The following SLC6A13 variants were observed in gnomAD, a reference collection of about 807,000 sequenced individuals.
SLC6A13 encodes solute carrier family 6 member 13.
Under a neutral mutation model 72.9 loss-of-function variants are expected in SLC6A13, and 69 were observed. The observed-to-expected ratio is 0.95, with a 90% confidence interval of 0.78 to 1.16. The LOEUF (loss-of-function observed/expected upper bound fraction) is 1.16. Ranked by LOEUF, SLC6A13 falls within the 50% of genes most tolerant of loss-of-function variation. The pLI is 0.00. For synonymous variants in SLC6A13, 303 were observed against 303.0 expected, an observed-to-expected ratio of 1.00 and a Z score of 0.00; for missense variants, 735 against 760.5, an observed-to-expected ratio of 0.97 and a Z score of 0.39.
In SLC6A13 at chr12:222,648, G is replaced by T. The variant is rs1451698991; in HGVS notation, c.1415-16C>A. 3 of 1,546,084 alleles carry T rather than the reference G, an allele frequency of 1.9e-6. 1 individual carries two copies. Among genetic ancestry groups the T allele is most frequent in the South Asian group, 2.3e-5 (2 of 87,158 alleles). The stretch of plus-strand genomic sequence containing the variant: ...CGCTTGGCTCCTACCATGGAGAAAA[G>T]AAGAAGGAAGGAGGAGAAAGTCATT... On this transcript the variant is annotated splice_polypyrimidine_tract_variant and intron_variant, in intron 12 of 14. Coordinates refer to ENST00000343164, the MANE Select transcript of SLC6A13 (RefSeq NM_016615.5).
intron 2 of SLC6A13, among the ~76,000 whole-genome samples, chr12:248,135 A>G (rs1942418311): frequency 6.6e-6 from 1 of 152,212 alleles, no homozygotes; most frequent in African/African-American, 2.4e-5. Flanking sequence ...AATCGTATTA[A>G]ATGCAAATGG....
At chr12:234,789 A>G (rs918881374) in intron 7 of SLC6A13, among the ~76,000 whole-genome samples, 8 of 152,202 alleles carry the variant, frequency 5.3e-5, no homozygotes, top group Non-Finnish European at 1.2e-4. Context: ...AAGTGCTGGG[A>G]TTACAGGCAT....
At chr12:221,953 A>T (rs1284909347) in intron 13 of SLC6A13, among the ~76,000 whole-genome samples, 3 of 152,166 alleles carry the variant, frequency 2.0e-5, no homozygotes, top group Admixed American at 6.5e-5. Context: ...GGAACAGCTG[A>T]CACAAAGAGA....
At chr12:235,569 C>T (rs1288967232) in intron 6 of SLC6A13, among the ~76,000 whole-genome samples, 1 of 151,964 alleles carries the variant, frequency 6.6e-6, no homozygotes. Context: ...ACCTCAAGAC[C>T]ACCGTGATAA....
intron 7 of SLC6A13, among the ~76,000 whole-genome samples, chr12:228,651 T>C (rs999317707): frequency 5.3e-5 from 8 of 152,178 alleles, no homozygotes; most frequent in African/African-American, 1.7e-4. Flanking sequence ...TTCCTGGTCT[T>C]TGCCTGCCTC....
chr12:239,194 ACG>A (rs1364395552), intron 4 of SLC6A13, among the ~76,000 whole-genome samples: 16 of 99,974 alleles, frequency 1.6e-4, no homozygotes, highest in African/African-American at 5.0e-4. Context: ...GTGCTCTACC[ACG>A]TCCACCCTGT....
At position 234,278 on chromosome 12, in the gene SLC6A13, T is replaced by C. The variant is rs540707616; in HGVS notation, c.831+812A>G. ...GCTCCATGACAGTTTACAAATGCCA[T>C]GGCAACGTCAGGAAGTTAACCTCTA... is the stretch of plus-strand genomic sequence containing the variant. On this transcript the variant is annotated intron_variant, in intron 7 of 14. Transcript: ENST00000343164. 1.5e-4 allele frequency among the ~76,000 whole-genome samples: 23 copies of C among 152,294 alleles called. No homozygotes were observed. In the South Asian group the frequency reaches 2.5e-3, roughly 16 times the overall value.
At chr12:236,982 C>G (rs530130102) in intron 6 of SLC6A13, 176 bp downstream of exon 6, 301 of 658,010 alleles carry the variant, frequency 4.6e-4, no homozygotes, top group Non-Finnish European at 7.0e-4. Context: ...TCCCAAAAAC[C>G]AGAAGTATGT....
intron 8 of SLC6A13, chr12:227,051 G>T (rs753384754): frequency 4.7e-4 from 78 of 166,854 alleles, no homozygotes; most frequent in Non-Finnish European, 8.2e-4. Context: ...GTGAAGTGAG[G>T]GAGATGGTGT....
chr12:246,132 A>AAAATAAATGAATAAATAAATGAAT (rs374765064), intron 2 of SLC6A13, among the ~76,000 whole-genome samples: 7 of 146,902 alleles, frequency 4.8e-5, no homozygotes. Flanking sequence ...AATAAAAGTA[A>AAAATAAATGAATAAATAAATGAAT]AAATAAATAA....
chr12:221,447 G>A lies in SLC6A13; in HGVS notation c.1615C>T (p.Leu539=). ...GCAGGAATGCAGACCATGGAGGACA[G>A]AGCCAGGAGCCAGCCCAGGGCATCG... ...WGDALGWLLA[L]SSMVCIPAWS... Residue 539 remains leucine, a synonymous_variant, in exon 14 of 15, where the codon CTG becomes TTG. Transcript: ENST00000343164. The A allele has an allele frequency of 6.2e-7, 1 of 1,614,020 alleles. No homozygotes were observed. The highest frequency in any genetic ancestry group is 1.3e-5 in the African/African-American group (1 of 75,058).
At chr12:245,635 G>A (rs529796019) in intron 2 of SLC6A13, among the ~76,000 whole-genome samples, 17 of 151,714 alleles carry the variant, frequency 1.1e-4, no homozygotes, top group South Asian at 2.1e-4. Context: ...AGCCGAGATC[G>A]TGCCACTGCA....
chr12:221,453 G>A lies in SLC6A13; in HGVS notation c.1609C>T (p.Leu537=). 6.2e-7 allele frequency: 1 copy of A among 1,614,034 alleles called. No homozygotes were observed. Among genetic ancestry groups the A allele is most frequent in the Non-Finnish European group, 8.5e-7 (1 of 1,179,936 alleles). Residue 537 remains leucine, a synonymous_variant, in exon 14 of 15, where the codon CTG becomes TTG. Transcript: ENST00000343164. ...PWWGDALGWL[L]ALSSMVCIPA... ...ATGCAGACCATGGAGGACAGAGCCA[G>A]GAGCCAGCCCAGGGCATCGCCCCAC...
chr12:224,635 G>A, intron 9 of SLC6A13, 122 bp from the exon 10 acceptor site: 1 of 733,162 alleles, frequency 1.4e-6, no homozygotes, highest in Non-Finnish European at 2.3e-6. Context: ...TCACCCCAAA[G>A]TTGCTGTCAC....
Position 234,960 on chromosome 12 carries a change from G to A in SLC6A13, c.831+130C>T, listed in dbSNP as rs112608125. The A allele has an allele frequency of 1.0e-5, 10 of 979,808 alleles. No individual in the cohort carries two copies. The East Asian group carries it at 2.2e-4, about 21-fold the overall frequency. The allele number at this position is 979,808 out of a possible 1,614,324, so 60.7% of individuals were successfully genotyped here. On this transcript the variant is annotated intron_variant, in intron 7 of 14. Coordinates refer to ENST00000343164, the MANE Select transcript of SLC6A13 (RefSeq NM_016615.5). ...AACAGATGTCTAGAGAAGGAAGGGTGCACCTCTGCTGCCACTGTGGACACC... is the reference window on the plus strand; with the variant it reads ...AACAGATGTCTAGAGAAGGAAGGGTACACCTCTGCTGCCACTGTGGACACC...
intron 7 of SLC6A13, among the ~76,000 whole-genome samples, chr12:230,145 C>T (rs923053096): frequency 6.6e-6 from 1 of 152,080 alleles, no homozygotes; most frequent in African/African-American, 2.4e-5. Context: ...CACTCCCTGC[C>T]CACTCCACGA....
intron 2 of SLC6A13, among the ~76,000 whole-genome samples, chr12:244,670 G>T (rs1942286568): frequency 6.6e-6 from 1 of 151,950 alleles, no homozygotes; most frequent in Non-Finnish European, 1.5e-5. Context: ...CTCCAACCTG[G>T]GTGACAGAGC....
intron 5 of SLC6A13, among the ~76,000 whole-genome samples, chr12:237,601 C>T (rs1289403586): frequency 1.4e-5 from 2 of 144,866 alleles, no homozygotes; most frequent in African/African-American, 5.1e-5. Flanking sequence ...AATATCAGTA[C>T]TGGGGGGAGG....
chr12:222,894 C>T (rs1941273053), intron 12 of SLC6A13, among the ~76,000 whole-genome samples: 1 of 152,180 alleles, frequency 6.6e-6, no homozygotes, highest in South Asian at 2.1e-4. Context: ...TTGGACAGGG[C>T]AGGATACTGG....
Sources: allele counts gnomAD v4.1 joint callset (sites outside exome capture counted in the v4.1 genomes callset), GRCh38; gene constraint gnomAD v4.1.1; transcripts MANE v1.5; gene names NCBI Gene and HGNC (gene_info 2026-07-23, HGNC 2026-07-21).